Variants in FSIP1 observed in about 807,000 individuals in gnomAD.
FSIP1 encodes the protein fibrous sheath-interacting protein 1.
In FSIP1, 65 loss-of-function variants were observed where a neutral mutation model predicts 60.9. That is an observed-to-expected ratio of 1.07 (90% CI 0.87 to 1.31). The LOEUF (loss-of-function observed/expected upper bound fraction) is 1.31. Among genes scored for constraint, FSIP1 ranks in the 40% most tolerant of loss-of-function variants. The pLI is 0.00. For synonymous variants in FSIP1, 209 were observed against 221.2 expected, an observed-to-expected ratio of 0.94 and a Z score of 0.49; for missense variants, 675 against 665.5, an observed-to-expected ratio of 1.01 and a Z score of -0.16.
At chr15:39,609,934 T>G (rs1385963217) in intron 11 of FSIP1, among the ~76,000 whole-genome samples, 1 of 152,238 alleles carries the variant, frequency 6.6e-6, no homozygotes, top group African/African-American at 2.4e-5. Context: ...TGTCTGGGGT[T>G]GTTACCAGCT....
intron 10 of FSIP1, among the ~76,000 whole-genome samples, chr15:39,656,801 CA>C (rs1169919700): frequency 1.3e-5 from 2 of 152,088 alleles, no homozygotes; most frequent in Non-Finnish European, 2.9e-5. Flanking sequence ...AGAAAAAAAT[CA>C]AAAAATGTTT....
chr15:39,714,392 G>A (rs916452285), intron 9 of FSIP1, among the ~76,000 whole-genome samples: 1 of 151,424 alleles, frequency 6.6e-6, no homozygotes, highest in African/African-American at 2.4e-5. Context: ...TCTGCTCTGT[G>A]TTGCCATATA....
intron 5 of FSIP1, among the ~76,000 whole-genome samples, 177 bp from the exon 6 acceptor site, chr15:39,742,077 C>A (rs202068379): frequency 6.6e-6 from 1 of 152,162 alleles, no homozygotes; most frequent in Admixed American, 6.5e-5. Flanking sequence ...TGACAATCAC[C>A]TTTGTATACA....
At chr15:39,731,671 T>C (rs1406425846) in intron 8 of FSIP1, among the ~76,000 whole-genome samples, 1 of 152,250 alleles carries the variant, frequency 6.6e-6, no homozygotes, top group East Asian at 1.9e-4. Flanking sequence ...TTGCTATGTG[T>C]GGGGAACTTC....
At chr15:39,718,811 T>C (rs1895848076) in intron 9 of FSIP1, among the ~76,000 whole-genome samples, 1 of 152,218 alleles carries the variant, frequency 6.6e-6, no homozygotes, top group South Asian at 2.1e-4. Flanking sequence ...AATAAACTTT[T>C]CTGCCAAAGC....
At chr15:39,602,216 A>G in intron 11 of FSIP1, 1 of 401,924 alleles carries the variant, frequency 2.5e-6, no homozygotes, top group Admixed American at 2.9e-5. Context: ...GAGGGAGATT[A>G]ACACACACAG....
At chr15:39,679,160 C>G (rs1894060606) in intron 10 of FSIP1, among the ~76,000 whole-genome samples, 1 of 152,118 alleles carries the variant, frequency 6.6e-6, no homozygotes, top group African/African-American at 2.4e-5. Flanking sequence ...AAGTTCTATT[C>G]TCAGATAACC....
chr15:39,643,063 A>G (rs908582269), intron 10 of FSIP1, among the ~76,000 whole-genome samples: 3 of 152,212 alleles, frequency 2.0e-5, no homozygotes, highest in Admixed American at 6.5e-5. Flanking sequence ...TTCAGAGAAA[A>G]TCCTGTAGCA....
At chr15:39,665,282 C>T (rs768184071) in intron 10 of FSIP1, among the ~76,000 whole-genome samples, 1 of 152,144 alleles carries the variant, frequency 6.6e-6, no homozygotes, top group Non-Finnish European at 1.5e-5. Context: ...CCTTATTTAT[C>T]GGTTATTAGA....
intron 10 of FSIP1, among the ~76,000 whole-genome samples, chr15:39,660,932 G>A (rs114870561): frequency 0.013 from 1,963 of 152,172 alleles, 45 homozygotes; most frequent in African/African-American, 0.045. Flanking sequence ...AAATGGTGGC[G>A]CACGCCTGTA....
chr15:39,638,752 C>G (rs16969478), intron 10 of FSIP1, among the ~76,000 whole-genome samples: 27,529 of 151,844 alleles, frequency 0.18, 3,040 homozygotes, highest in East Asian at 0.32. Flanking sequence ...AGGAGGCAAA[C>G]AGGGAACCAA....
chr15:39,689,927 A>C (rs1894528833), intron 10 of FSIP1, among the ~76,000 whole-genome samples: 2 of 152,160 alleles, frequency 1.3e-5, no homozygotes, highest in Admixed American at 1.3e-4. Flanking sequence ...TCACTCATTC[A>C]AAACCAGCCT....
At chr15:39,688,310 C>G (rs1894464971) in intron 10 of FSIP1, among the ~76,000 whole-genome samples, 1 of 152,138 alleles carries the variant, frequency 6.6e-6, no homozygotes, top group Non-Finnish European at 1.5e-5. Flanking sequence ...CTTAATACAC[C>G]TAACCTACTG....
intron 9 of FSIP1, among the ~76,000 whole-genome samples, chr15:39,724,401 G>A (rs1014917639): frequency 2.6e-5 from 4 of 151,896 alleles, no homozygotes; most frequent in Admixed American, 6.6e-5. Flanking sequence ...ACAGGCACCC[G>A]CCACCACGCC....
At chr15:39,628,030 G>A (rs553708502) in intron 10 of FSIP1, among the ~76,000 whole-genome samples, 22 of 152,326 alleles carry the variant, frequency 1.4e-4, no homozygotes, top group Non-Finnish European at 2.8e-4. Context: ...GGCACTGGCT[G>A]GGTGCAGGTA....
At chr15:39,714,637 C>G (rs1895662923) in intron 9 of FSIP1, among the ~76,000 whole-genome samples, 1 of 151,412 alleles carries the variant, frequency 6.6e-6, no homozygotes, top group Non-Finnish European at 1.5e-5. Context: ...AGGAAAAAAT[C>G]CGAAGGACCA....
intron 6 of FSIP1, among the ~76,000 whole-genome samples, chr15:39,740,189 C>T (rs1000994137): frequency 6.6e-6 from 1 of 152,190 alleles, no homozygotes; most frequent in Non-Finnish European, 1.5e-5. Flanking sequence ...GCTAGGTCAT[C>T]CCTGCTATTC....
At chr15:39,680,283 G>A (rs1417151542) in intron 10 of FSIP1, among the ~76,000 whole-genome samples, 2 of 152,216 alleles carry the variant, frequency 1.3e-5, no homozygotes, top group Non-Finnish European at 2.9e-5. Flanking sequence ...ATAGATAATA[G>A]AGCAGGAACC....
At chr15:39,612,395 AAAC>A (rs1891068109) in intron 11 of FSIP1, among the ~76,000 whole-genome samples, 1 of 152,172 alleles carries the variant, frequency 6.6e-6, no homozygotes, top group African/African-American at 2.4e-5. Context: ...GCTCCTAAAC[AAAC>A]AATAGGTCAG....
Sources: gnomAD v4.1 joint callset for allele counts (sites outside exome capture counted in the v4.1 genomes callset) on GRCh38, gnomAD v4.1.1 for gene constraint, MANE v1.5 for transcripts, NCBI Gene and HGNC (gene_info 2026-07-23, HGNC 2026-07-21) for gene names.